The following TNS3 variants were observed in gnomAD, a reference collection of about 807,000 sequenced individuals.
TNS3 encodes tensin-3.
A neutral mutation model predicts 140.9 loss-of-function variants in TNS3; 45 were observed. The ratio of observed to expected loss-of-function variants is 0.32; its 90% CI spans 0.25 to 0.41. The LOEUF is 0.41. Among genes scored for constraint, TNS3 ranks in the 10% least tolerant of loss-of-function variants. TNS3 has a pLI of 1.00. For synonymous variants in TNS3, 815 were observed against 788.4 expected (o/e 1.03, Z -0.56); for missense variants, 1,716 against 1,906.7 (o/e 0.90, Z 1.86).
intron 24 of TNS3, among the ~76,000 whole-genome samples, chr7:47,294,661 T>A (rs1437287052): frequency 6.6e-6 from 1 of 152,188 alleles, no homozygotes; most frequent in Non-Finnish European, 1.5e-5. Context: ...TTGGGCTTGG[T>A]CCCCAGTGCC....
intron 17 of TNS3, among the ~76,000 whole-genome samples, chr7:47,353,060 C>T (rs1018997168): frequency 2.0e-5 from 3 of 152,184 alleles, no homozygotes; most frequent in African/African-American, 4.8e-5. Flanking sequence ...TGGTACGCTG[C>T]CTACCAGGAT....
chr7:47,536,185 G>A (rs1799591060), intron 1 of TNS3, among the ~76,000 whole-genome samples: 1 of 152,214 alleles, frequency 6.6e-6, no homozygotes, highest in Non-Finnish European at 1.5e-5. Context: ...AAAAGGGAAC[G>A]CAGTACACCT....
intron 13 of TNS3, among the ~76,000 whole-genome samples, chr7:47,405,990 C>T (rs531239160): frequency 2.2e-4 from 33 of 152,196 alleles, no homozygotes; most frequent in Non-Finnish European, 3.7e-4. Flanking sequence ...AGAGCCGAGA[C>T]CAGGGAGGGA....
intron 1 of TNS3, among the ~76,000 whole-genome samples, chr7:47,571,365 G>A (rs768977018): frequency 1.3e-5 from 2 of 152,238 alleles, no homozygotes; most frequent in Non-Finnish European, 2.9e-5. Flanking sequence ...TGCCACCTGG[G>A]TTCCTGCAAA....
At chr7:47,333,321 A>G (rs1788444531) in intron 20 of TNS3, among the ~76,000 whole-genome samples, 1 of 152,198 alleles carries the variant, frequency 6.6e-6, no homozygotes, top group Non-Finnish European at 1.5e-5. Flanking sequence ...TTGCTAATCC[A>G]CACCAGTTTT....
chr7:47,304,758 T>G (rs982474357), intron 21 of TNS3, 74 bp downstream of exon 21: 1 of 1,297,672 alleles, frequency 7.7e-7, no homozygotes, highest in Non-Finnish European at 9.9e-7. Flanking sequence ...AAGCCCCCGC[T>G]GGTCCCACAT....
chr7:47,368,994 C>T lies in TNS3; in HGVS notation c.1652G>A (p.Arg551Gln), dbSNP rs1456829512. ...LGLGMDGPYE[R>Q]ERTFGSREPK... ...CTCTCGACTCCCAAAAGTCCGCTCCCGCTCATAGGGGCCGTCCATGCCAAG... is the reference window on the plus strand; with the variant it reads ...CTCTCGACTCCCAAAAGTCCGCTCCTGCTCATAGGGGCCGTCCATGCCAAG... The change falls in exon 17 of 31, where the codon CGG becomes CAG. Residue 551 changes from arginine to glutamine, a missense_variant. Physicochemically the swap from Arg to Gln is conservative, Grantham distance 43 (BLOSUM62 1). This residue lies in a region of TNS3 where 1,163 missense variants were observed against 1,182.1 expected (regional missense o/e 0.98). Coordinates refer to ENST00000311160, the MANE Select transcript of TNS3 (RefSeq NM_022748.12). The T allele has an allele frequency of 8.1e-6, 13 of 1,613,830 alleles. No homozygotes were observed. Among genetic ancestry groups the T allele is most frequent in the Admixed American group, 1.7e-5 (1 of 60,010 alleles).
At chr7:47,389,148 A>C (rs61075942) in intron 16 of TNS3, among the ~76,000 whole-genome samples, 2,458 of 14,620 alleles carry the variant, frequency 0.17, 697 homozygotes, top group South Asian at 0.36. Context: ...GAAGAAGAAG[A>C]AGAAGAAGCA....
chr7:47,471,055 C>T (rs772570269), intron 4 of TNS3, among the ~76,000 whole-genome samples: 3 of 152,010 alleles, frequency 2.0e-5, no homozygotes, highest in Non-Finnish European at 4.4e-5. Flanking sequence ...AAGGGAAGGC[C>T]AAGGCTGCTG....
At chr7:47,439,801 T>C (rs1233453759) in intron 5 of TNS3, 143 bp from the exon 6 acceptor site, 15 of 800,244 alleles carry the variant, frequency 1.9e-5, no homozygotes, top group Admixed American at 4.5e-5. Flanking sequence ...GAATTTACAG[T>C]GTGTGCAGCC....
At chr7:47,411,659 T>C (rs1793777050) in intron 13 of TNS3, 68 bp downstream of exon 13, 5 of 1,485,884 alleles carry the variant, frequency 3.4e-6, no homozygotes, top group Admixed American at 2.0e-5. Context: ...CACAGAATCA[T>C]GATTTCAAGT....
intron 1 of TNS3, chr7:47,539,318 A>G (rs1799715227): frequency 1.2e-5 from 4 of 346,516 alleles, no homozygotes; most frequent in African/African-American, 4.3e-5. Context: ...TTAAAAGAGT[A>G]GCCATTCAGA....
intron 16 of TNS3, among the ~76,000 whole-genome samples, chr7:47,382,706 A>G (rs1791845516): frequency 6.7e-6 from 1 of 149,260 alleles, no homozygotes; most frequent in Admixed American, 6.6e-5. Context: ...CTAAATCTGT[A>G]CATACTCAAA....
intron 17 of TNS3, among the ~76,000 whole-genome samples, chr7:47,360,117 T>C (rs976034577): frequency 2.0e-5 from 3 of 152,194 alleles, no homozygotes; most frequent in African/African-American, 7.2e-5. Flanking sequence ...GTAATTGCAA[T>C]GGCAGTTTCC....
intron 13 of TNS3, among the ~76,000 whole-genome samples, chr7:47,409,191 G>A (rs1005422482): frequency 2.0e-5 from 3 of 152,140 alleles, no homozygotes; most frequent in Non-Finnish European, 2.9e-5. Context: ...GGAGAGAAGA[G>A]AGGGGAGAAG....
chr7:47,360,346 A>C (rs1790243801), intron 17 of TNS3, among the ~76,000 whole-genome samples: 1 of 152,178 alleles, frequency 6.6e-6, no homozygotes, highest in Non-Finnish European at 1.5e-5. Flanking sequence ...TTCTCAAGGC[A>C]CATAAATATC....
intron 16 of TNS3, among the ~76,000 whole-genome samples, chr7:47,384,217 C>A (rs1050706387): frequency 1.3e-5 from 2 of 152,244 alleles, no homozygotes; most frequent in African/African-American, 4.8e-5. Flanking sequence ...TCAGGCCCCT[C>A]CCCACCCACA....
At chr7:47,449,231 CA>C (rs1276381705) in intron 4 of TNS3, among the ~76,000 whole-genome samples, 1 of 152,214 alleles carries the variant, frequency 6.6e-6, no homozygotes, top group Non-Finnish European at 1.5e-5. Flanking sequence ...TGCAGCAAAC[CA>C]AGCCTATGTC....
intron 1 of TNS3, among the ~76,000 whole-genome samples, chr7:47,572,917 C>G (rs1800591603): frequency 6.6e-6 from 1 of 152,038 alleles, no homozygotes; most frequent in Non-Finnish European, 1.5e-5. Context: ...ACCTGTCTCA[C>G]TCAAATTTTT....
Sources: allele counts gnomAD v4.1 joint callset (sites outside exome capture counted in the v4.1 genomes callset), GRCh38; gene constraint gnomAD v4.1.1; regional missense constraint gnomAD v4.1.1; transcripts MANE v1.5; gene names NCBI Gene and HGNC (gene_info 2026-07-23, HGNC 2026-07-21).